FKTN: variants seen among roughly 807,000 people sequenced by gnomAD.
The protein encoded by FKTN is fukutin, also known as ribitol-5-phosphate transferase FKTN.
In FKTN, 47 loss-of-function variants were observed where a neutral mutation model predicts 58.6. The ratio of observed to expected loss-of-function variants is 0.80; its 90% CI spans 0.63 to 1.02. The LOEUF is 1.02. Ranked by LOEUF, FKTN falls within the 50% of genes least tolerant of loss-of-function variation. The pLI, the probability that FKTN is intolerant of heterozygous loss-of-function variation, is 0.00. For synonymous variants in FKTN, 178 were observed against 191.9 expected, an observed-to-expected ratio of 0.93 and a Z score of 0.60; for missense variants, 516 against 537.3, an observed-to-expected ratio of 0.96 and a Z score of 0.39.
At chr9:105,619,434 T>A (rs1304713940) in intron 9 of FKTN, among the ~76,000 whole-genome samples, 3 of 152,212 alleles carry the variant, frequency 2.0e-5, no homozygotes, top group Non-Finnish European at 4.4e-5. Flanking sequence ...TTTATTTTTT[T>A]ACCTTAACTT....
Position 105,635,376 on chromosome 9 carries a change from C to G in FKTN, c.*112C>G, listed in dbSNP as rs114222875. 4.5e-6 allele frequency: 7 copies of G among 1,543,548 alleles called. No individual in the cohort carries two copies. In the African/African-American group the frequency reaches 9.6e-5, roughly 21 times the overall value. ...AGTGGGAACCAAAGAAAAAATGTGACAAGTTTGAAGACACAGAAAGAGTCA... is the reference window on the plus strand; with the variant it reads ...AGTGGGAACCAAAGAAAAAATGTGAGAAGTTTGAAGACACAGAAAGAGTCA... On this transcript the variant is annotated 3_prime_UTR_variant, in exon 11 of 11. Transcript: ENST00000357998.
chr9:105,619,988 G>A lies in FKTN; in HGVS notation c.1099G>A (p.Val367Ile). 6.2e-7 allele frequency: 1 copy of A among 1,612,610 alleles called. No homozygotes were observed. The highest frequency in any genetic ancestry group is 8.5e-7 in the Non-Finnish European group (1 of 1,178,968). Residue 367 changes from valine (V) to isoleucine (I), a missense_variant, in exon 10 of 11, where the codon GTT becomes ATT. By Grantham distance (29) the Val-to-Ile change is conservative. Transcript: ENST00000357998. ...FQGKDDVKLD[V>I]FFFYEETDHM... ...GGGAAAAGATGATGTAAAACTTGAT[G>A]TTTTTTTCTTCTATGAAGAAACTGA...
chr9:105,618,144 A>T (rs1297884597), intron 9 of FKTN, 52 bp downstream of exon 9: 2 of 1,460,872 alleles, frequency 1.4e-6, no homozygotes, highest in East Asian at 4.5e-5. Context: ...TCACTTGTAA[A>T]GTTTACATTA....
At chr9:105,617,340 C>A (rs1184742285) in intron 8 of FKTN, among the ~76,000 whole-genome samples, 1 of 152,158 alleles carries the variant, frequency 6.6e-6, no homozygotes, top group African/African-American at 2.4e-5. Context: ...TTAGAAATAT[C>A]ATTTGGCAGT....
At chr9:105,631,712 A>G (rs1405294547) in intron 10 of FKTN, among the ~76,000 whole-genome samples, 2 of 149,898 alleles carry the variant, frequency 1.3e-5, no homozygotes, top group East Asian at 3.9e-4. Context: ...TCAAAACCAC[A>G]ATGAGATACC....
chr9:105,604,579 C>G (rs1828523255), intron 6 of FKTN, 87 bp downstream of exon 6: 2 of 1,050,926 alleles, frequency 1.9e-6, no homozygotes, highest in Non-Finnish European at 2.9e-6. Flanking sequence ...GTATTGAAAT[C>G]TAATATATAA....
In FKTN at chr9:105,631,937, T is replaced by TA. The variant is rs1215284985; in HGVS notation, c.1173-3111dup. Among the ~76,000 whole-genome samples the TA allele has an allele frequency of 1.0e-4, 15 of 150,482 alleles. 1 individual carries two copies. The highest frequency in any genetic ancestry group is 3.7e-4 in the African/African-American group (15 of 40,528). On this transcript the variant is annotated intron_variant, in intron 10 of 10. Coordinates refer to ENST00000357998, the MANE Select transcript of FKTN (RefSeq NM_001079802.2). The stretch of plus-strand genomic sequence containing the variant: ...TACTGGGTATATACCCAAAGGACTA[T>TA]AAATCATGCTGCTATAAAGACACAT...
chr9:105,577,595 G>A (rs1841982354), intron 3 of FKTN, among the ~76,000 whole-genome samples: 1 of 147,546 alleles, frequency 6.8e-6, no homozygotes, highest in Non-Finnish European at 1.5e-5. Context: ...TTTGAAGTCA[G>A]GTAGCGTGAT....
chr9:105,567,374 G>A lies in FKTN; in HGVS notation c.-180-6281G>A, dbSNP rs533961573. Among the ~76,000 whole-genome samples the A allele has an allele frequency of 7.2e-5, 11 of 152,298 alleles. No homozygotes were observed. In the South Asian group the frequency reaches 2.3e-3, roughly 32 times the overall value. ...AGTCAAATTGTCCCTGTTTGCAGAT[G>A]ACATGATTGTATATCTAGAAAACCC... On this transcript the variant is annotated intron_variant, in intron 1 of 10. Transcript: ENST00000357998.
chr9:105,619,817 A>G (rs1831525442), intron 9 of FKTN, 117 bp from the exon 10 acceptor site: 3 of 910,566 alleles, frequency 3.3e-6, no homozygotes, highest in South Asian at 3.2e-5. Flanking sequence ...CTTAGAATGA[A>G]TACTCTATGT....
chr9:105,629,419 C>A (rs1330254765), intron 10 of FKTN, among the ~76,000 whole-genome samples: 1 of 152,022 alleles, frequency 6.6e-6, no homozygotes, highest in Non-Finnish European at 1.5e-5. Flanking sequence ...GATAGTAAAG[C>A]CTTTTGTATT....
chr9:105,622,716 A>C (rs1245249755), intron 10 of FKTN, among the ~76,000 whole-genome samples: 1 of 152,080 alleles, frequency 6.6e-6, no homozygotes, highest in African/African-American at 2.4e-5. Context: ...TTAATAGGTT[A>C]AGTGAGTTAG....
At chr9:105,558,448 G>C (rs1349001184) in intron 1 of FKTN, among the ~76,000 whole-genome samples, 2 of 152,120 alleles carry the variant, frequency 1.3e-5, no homozygotes, top group East Asian at 3.9e-4. Context: ...AAAGGTTGGA[G>C]GACGATCGAG....
At chr9:105,571,107 CTT>C (rs1421366244) in intron 1 of FKTN, among the ~76,000 whole-genome samples, 1 of 152,090 alleles carries the variant, frequency 6.6e-6, no homozygotes, top group Non-Finnish European at 1.5e-5. Context: ...TGTGGTGTAA[CTT>C]GATTTATCTG....
intron 3 of FKTN, among the ~76,000 whole-genome samples, chr9:105,576,273 C>T (rs888662254): frequency 6.6e-6 from 1 of 151,550 alleles, no homozygotes; most frequent in Non-Finnish European, 1.5e-5. Context: ...CCCACTAACT[C>T]GTCATCTAGC....
intron 1 of FKTN, among the ~76,000 whole-genome samples, chr9:105,561,158 C>A (rs968845847): frequency 6.6e-6 from 1 of 151,680 alleles, no homozygotes; most frequent in African/African-American, 2.4e-5. Flanking sequence ...ATAATCATTC[C>A]AGGTGCCCAA....
At chr9:105,614,881 TTTC>T (rs1192796684) in intron 7 of FKTN, among the ~76,000 whole-genome samples, 15 of 147,860 alleles carry the variant, frequency 1.0e-4, no homozygotes, top group African/African-American at 2.9e-4. Flanking sequence ...TTCTCCTTTC[TTTC>T]TTTTTTTTTT....
At chr9:105,607,284 G>A (rs1399656365) in intron 6 of FKTN, among the ~76,000 whole-genome samples, 1 of 151,996 alleles carries the variant, frequency 6.6e-6, no homozygotes, top group Non-Finnish European at 1.5e-5. Flanking sequence ...ATTAACTTGT[G>A]TGTCTTAAGT....
At chr9:105,562,746 C>G (rs114075639) in intron 1 of FKTN, among the ~76,000 whole-genome samples, 28 of 152,160 alleles carry the variant, frequency 1.8e-4, no homozygotes, top group Non-Finnish European at 8.8e-5. Context: ...GATTGGAGGT[C>G]AGAAACAAGA....
Sources: gnomAD v4.1 joint callset for allele counts (sites outside exome capture counted in the v4.1 genomes callset) on GRCh38, gnomAD v4.1.1 for gene constraint, MANE v1.5 for transcripts, NCBI Gene and HGNC (gene_info 2026-07-23, HGNC 2026-07-21) for gene names.